Variants in ELF1 observed in about 807,000 individuals in gnomAD.
ELF1 encodes ETS-related transcription factor Elf-1.
Under a neutral mutation model 59.9 loss-of-function variants are expected in ELF1, and 24 were observed. The observed-to-expected ratio is 0.40, with a 90% CI of 0.29 to 0.56. ELF1 has a LOEUF of 0.56. Among genes scored for constraint, ELF1 ranks in the 20% least tolerant of loss-of-function variants. The pLI, the probability that ELF1 is intolerant of heterozygous loss-of-function variation, is 0.44. For missense variants in ELF1, 627 were observed against 742.2 expected, an observed-to-expected ratio of 0.84 and a Z score of 1.80; for synonymous variants, 248 against 266.2, an observed-to-expected ratio of 0.93 and a Z score of 0.67.
At chr13:40,993,261 G>A in intron 1 of ELF1, 1 of 1,581,846 alleles carries the variant, frequency 6.3e-7, no homozygotes. Context: ...AGATGTTGTT[G>A]GGCCTCTGGT....
chr13:41,034,155 A>G (rs1056122112), intron 1 of ELF1, among the ~76,000 whole-genome samples: 1 of 152,204 alleles, frequency 6.6e-6, no homozygotes, highest in Admixed American at 6.5e-5. Flanking sequence ...GGGACATTCT[A>G]CAAAATACCT....
intron 2 of ELF1, among the ~76,000 whole-genome samples, chr13:40,963,295 T>A (rs1419278242): frequency 6.6e-6 from 1 of 152,236 alleles, no homozygotes; most frequent in Non-Finnish European, 1.5e-5. Context: ...AAAACCAGAA[T>A]AATTAAGGAG....
Position 40,986,937 on chromosome 13 carries a change from C to CTCTTTTTT in ELF1, c.-228-4656_-228-4655insAAAAAAGA, listed in dbSNP as rs552477115. On this transcript the variant is annotated intron_variant, in intron 1 of 8. Coordinates refer to ENST00000239882, the MANE Select transcript of ELF1 (RefSeq NM_172373.4). ...AATATATTTTTAGAAAATCATTGCT[C>CTCTTTTTT]TTTTTTTTTTTTTTTTTTGAGTGGG... Among the ~76,000 whole-genome samples the CTCTTTTTT allele has an allele frequency of 6.3e-4, 80 of 126,836 alleles. 6 individuals are homozygous for CTCTTTTTT. The highest frequency in any genetic ancestry group is 4.6e-3 in the East Asian group (19 of 4,168). The allele number at this position is 126,836 out of a possible 152,430, so 83.2% of individuals were successfully genotyped here.
intron 5 of ELF1, among the ~76,000 whole-genome samples, chr13:40,949,237 C>T (rs1870693662): frequency 6.6e-6 from 1 of 152,138 alleles, no homozygotes; most frequent in South Asian, 2.1e-4. Flanking sequence ...CCACCCACCC[C>T]CACCTCCCAA....
chr13:41,052,994 C>T (rs541279366), intron 1 of ELF1, among the ~76,000 whole-genome samples: 14 of 152,058 alleles, frequency 9.2e-5, no homozygotes, highest in Non-Finnish European at 1.9e-4. Context: ...TAAATAAAAC[C>T]GAACACTTAA....
rs756814760 is a variant in ELF1 at position 40,933,151 on chromosome 13, AATGCTTATGAT to A, written c.*263_*273del. On this transcript the variant is annotated 3_prime_UTR_variant, in exon 9 of 9. Coordinates refer to ENST00000239882, the MANE Select transcript of ELF1 (RefSeq NM_172373.4). The stretch of plus-strand genomic sequence containing the variant: ...GTAAAATTAGAAAAGAAACTTTAAA[AATGCTTATGAT>A]ATAGCAACTGAAATAAAAATCTCAA... The A allele has an allele frequency of 1.2e-5, 4 of 331,896 alleles. No individual in the cohort carries two copies. Among genetic ancestry groups the A allele is most frequent in the Non-Finnish European group, 2.2e-5 (4 of 185,236 alleles). The allele number at this position is 331,896 out of a possible 1,614,324, so 20.6% of individuals were successfully genotyped here. A position where few individuals can be genotyped will look rare whatever the true frequency, so the allele number is the denominator to read the frequency against.
chr13:41,016,060 T>C (rs912490418), intron 1 of ELF1, among the ~76,000 whole-genome samples: 4 of 152,228 alleles, frequency 2.6e-5, no homozygotes, highest in Non-Finnish European at 5.9e-5. Context: ...CTCCTGAGTA[T>C]TCTTTCAGTC....
intron 1 of ELF1, among the ~76,000 whole-genome samples, chr13:41,054,088 T>C (rs1877202511): frequency 6.6e-6 from 1 of 152,134 alleles, no homozygotes; most frequent in East Asian, 1.9e-4. Flanking sequence ...AAGGGATAAA[T>C]GACCATTTCA....
At chr13:40,955,854 A>T (rs184589231) in intron 3 of ELF1, among the ~76,000 whole-genome samples, 7 of 83,598 alleles carry the variant, frequency 8.4e-5, no homozygotes, top group East Asian at 6.3e-4. Context: ...TACTGGGAAG[A>T]GAGGAGCCCC....
intron 3 of ELF1, among the ~76,000 whole-genome samples, chr13:40,957,088 T>C (rs4435112): frequency 0.34 from 29,190 of 86,662 alleles, 8,456 homozygotes; most frequent in East Asian, 0.63. Flanking sequence ...CCCTGAAACC[T>C]TGCACATATC....
chr13:40,976,082 A>G (rs1872886247), intron 2 of ELF1, among the ~76,000 whole-genome samples: 1 of 152,234 alleles, frequency 6.6e-6, no homozygotes, highest in Non-Finnish European at 1.5e-5. Flanking sequence ...GTTCCTGGAA[A>G]AAGTATGCTT....
intron 5 of ELF1, among the ~76,000 whole-genome samples, chr13:40,945,350 A>G (rs571533997): frequency 1.6e-4 from 25 of 152,330 alleles, no homozygotes; most frequent in African/African-American, 6.0e-4. Flanking sequence ...GGTTAGATAT[A>G]GAATTTTTGT....
intron 3 of ELF1, among the ~76,000 whole-genome samples, chr13:40,955,960 C>CT (rs1313571773): frequency 2.2e-5 from 2 of 90,956 alleles, no homozygotes; most frequent in Non-Finnish European, 5.0e-5. Context: ...GGGGGGTCAG[C>CT]CCCCCGCCCG....
intron 3 of ELF1, among the ~76,000 whole-genome samples, chr13:40,953,671 C>T (rs1871010418): frequency 6.6e-6 from 1 of 152,202 alleles, no homozygotes; most frequent in African/African-American, 2.4e-5. Context: ...ATCTGAAGCG[C>T]CACCTAACAC....
intron 1 of ELF1, among the ~76,000 whole-genome samples, chr13:41,001,405 T>C (rs368833312): frequency 9.2e-5 from 14 of 152,218 alleles, no homozygotes; most frequent in Admixed American, 6.5e-4. Flanking sequence ...CCAGGCAACA[T>C]AGCAAGACTC....
intron 2 of ELF1, among the ~76,000 whole-genome samples, chr13:40,974,464 C>A (rs1186278676): frequency 6.6e-6 from 1 of 152,170 alleles, no homozygotes; most frequent in Non-Finnish European, 1.5e-5. Context: ...CTTCCCTTCG[C>A]TGAGCCTCAC....
intron 7 of ELF1, among the ~76,000 whole-genome samples, chr13:40,942,293 GTCTA>G (rs913888038): frequency 2.6e-4 from 39 of 152,040 alleles, no homozygotes; most frequent in South Asian, 6.2e-4. Context: ...ATCTATATCT[GTCTA>G]TCCCCTAAAA....
intron 3 of ELF1, among the ~76,000 whole-genome samples, chr13:40,955,640 T>C (rs1593360123): frequency 6.9e-5 from 5 of 72,562 alleles, no homozygotes; most frequent in Non-Finnish European, 8.8e-5. Context: ...GAGGAGCCCC[T>C]CTGCCCGGCC....
rs190516603 is a variant in ELF1, at chr13:41,015,403, A to G, written c.-229+3825T>C. ...GGAGCCCAAATGGGTTCTAATACTGATAATAAAGTACTCTAGTTGCTTTCC... is the reference window on the plus strand; with the variant it reads ...GGAGCCCAAATGGGTTCTAATACTGGTAATAAAGTACTCTAGTTGCTTTCC... On this transcript the variant is annotated intron_variant, in intron 1 of 8. Coordinates refer to ENST00000239882, the MANE Select transcript of ELF1 (RefSeq NM_172373.4). Among the ~76,000 whole-genome samples the G allele has an allele frequency of 3.9e-3, 593 of 152,212 alleles. 2 individuals carry two copies. Among genetic ancestry groups the G allele is most frequent in the Non-Finnish European group, 6.5e-3 (439 of 67,984 alleles).
Sources: gnomAD v4.1 joint callset for allele counts (sites outside exome capture counted in the v4.1 genomes callset) on GRCh38, gnomAD v4.1.1 for gene constraint, MANE v1.5 for transcripts, NCBI Gene and HGNC (gene_info 2026-07-23, HGNC 2026-07-21) for gene names.